Variants in RGS6 observed in about 807,000 individuals in gnomAD.
The protein encoded by RGS6 is regulator of G protein signaling 6.
In RGS6, 30 loss-of-function variants were observed where a neutral mutation model predicts 78.5. The observed-to-expected ratio is 0.38, with a 90% CI of 0.29 to 0.52. The LOEUF (loss-of-function observed/expected upper bound fraction) is 0.52, where lower values mean the gene tolerates loss of function less well. RGS6 is among the 20% of genes least tolerant of loss of function. The pLI, the probability that RGS6 is intolerant of heterozygous loss-of-function variation, is 0.85. For synonymous variants in RGS6, 206 were observed against 206.0 expected, an observed-to-expected ratio of 1.00 and a Z score of 0.00; for missense variants, 495 against 609.7, an observed-to-expected ratio of 0.81 and a Z score of 1.98.
At chr14:72,138,875 A>G (rs996187413) in intron 2 of RGS6, among the ~76,000 whole-genome samples, 31 of 152,012 alleles carry the variant, frequency 2.0e-4, no homozygotes, top group African/African-American at 7.3e-4. Flanking sequence ...AGTTGCAGAA[A>G]AACAAGCTCA....
intron 2 of RGS6, among the ~76,000 whole-genome samples, chr14:72,175,778 G>A (rs571124421): frequency 6.6e-6 from 1 of 152,304 alleles, no homozygotes; most frequent in South Asian, 2.1e-4. Context: ...TGCTTTCTAA[G>A]TATCAGCTGA....
intron 2 of RGS6, among the ~76,000 whole-genome samples, chr14:71,995,790 C>A (rs1204753838): frequency 6.6e-6 from 1 of 152,174 alleles, no homozygotes; most frequent in Non-Finnish European, 1.5e-5. Context: ...TTTTACTTTG[C>A]TACTCTCCAT....
intron 3 of RGS6, among the ~76,000 whole-genome samples, chr14:72,396,996 TCTTTTGGCTTAGGATTGA>T (rs2091452511): frequency 6.6e-6 from 1 of 152,206 alleles, no homozygotes; most frequent in Admixed American, 6.5e-5. Flanking sequence ...CCAGCTTTGT[TCTTTTGGCTTAGGATTGA>T]CTTGGCAATG....
the RGS6 span, among the ~76,000 whole-genome samples, chr14:72,614,869 C>G: frequency 6.6e-6 from 1 of 150,976 alleles, no homozygotes; most frequent in South Asian, 2.1e-4. Context: ...ACATCCAGCT[C>G]TCTGCCTTTT....
intron 15 of RGS6, among the ~76,000 whole-genome samples, chr14:72,526,793 C>T (rs533150575): frequency 9.5e-4 from 145 of 152,220 alleles, no homozygotes; most frequent in Non-Finnish European, 1.7e-3. Flanking sequence ...CATATTGTTG[C>T]GGTATCTTTT....
chr14:72,549,230 T>A (rs77012013), intron 17 of RGS6, among the ~76,000 whole-genome samples: 1 of 151,258 alleles, frequency 6.6e-6, no homozygotes, highest in African/African-American at 2.4e-5. Flanking sequence ...CATCCTTGCC[T>A]TCTTTTCTGT....
Position 72,508,816 on chromosome 14 carries a change from G to A in RGS6, c.966-1338G>A, listed in dbSNP as rs2096843607. 2.0e-5 allele frequency among the ~76,000 whole-genome samples: 3 copies of A among 152,158 alleles called. No individual in the cohort carries two copies. The South Asian group carries it at 6.2e-4, about 32-fold the overall frequency. The stretch of plus-strand genomic sequence containing the variant: ...AGGTTCTGATTTAGCAGGTGCAGGT[G>A]GGGCCTATGGTTCTTCTTCTGGTTC... On this transcript the variant is annotated intron_variant, in intron 13 of 17. Transcript: ENST00000553525.
intron 2 of RGS6, among the ~76,000 whole-genome samples, chr14:72,093,449 G>A (rs1340847135): frequency 6.6e-6 from 1 of 152,132 alleles, no homozygotes; most frequent in Non-Finnish European, 1.5e-5. Flanking sequence ...TTCACATGTC[G>A]ACCAGGGTGG....
At chr14:72,500,534 C>T (rs896014508) in intron 13 of RGS6, among the ~76,000 whole-genome samples, 1 of 152,206 alleles carries the variant, frequency 6.6e-6, no homozygotes, top group African/African-American at 2.4e-5. Context: ...CAACTATGTG[C>T]TGTGTTCTGA....
chr14:71,969,165 TA>T (rs2093675391), intron 2 of RGS6, among the ~76,000 whole-genome samples: 1 of 152,362 alleles, frequency 6.6e-6, no homozygotes, highest in South Asian at 2.1e-4. Context: ...CATCCTTTTT[TA>T]TGGCTGCATA....
chr14:72,402,479 A>G (rs1223260844), intron 3 of RGS6, among the ~76,000 whole-genome samples: 1 of 152,210 alleles, frequency 6.6e-6, no homozygotes, highest in African/African-American at 2.4e-5. Flanking sequence ...TAAACATACA[A>G]ATGGCCAAGA....
intron 3 of RGS6, among the ~76,000 whole-genome samples, chr14:72,362,582 A>G (rs1566629225): frequency 6.6e-6 from 1 of 152,092 alleles, no homozygotes; most frequent in Non-Finnish European, 1.5e-5. Context: ...GTTCTTCTCC[A>G]TGTCACCTTG....
intron 2 of RGS6, among the ~76,000 whole-genome samples, chr14:72,181,134 T>G (rs2097168749): frequency 6.6e-6 from 1 of 152,260 alleles, no homozygotes; most frequent in Non-Finnish European, 1.5e-5. Flanking sequence ...ATTAAAGTAC[T>G]TTGCTTTATT....
chr14:72,019,251 A>T (rs1327172914), intron 2 of RGS6, among the ~76,000 whole-genome samples: 1 of 152,198 alleles, frequency 6.6e-6, no homozygotes, highest in Non-Finnish European at 1.5e-5. Context: ...CTGAACAGTA[A>T]TAACAGTGGG....
chr14:71,925,014 G>A, the RGS6 span, among the ~76,000 whole-genome samples: 1 of 152,092 alleles, frequency 6.6e-6, no homozygotes, highest in African/African-American at 2.4e-5. Flanking sequence ...TTCCATAATG[G>A]CTCTACCAGT....
At chr14:72,335,568 G>A (rs1436632700) in intron 2 of RGS6, among the ~76,000 whole-genome samples, 1 of 152,274 alleles carries the variant, frequency 6.6e-6, no homozygotes, top group East Asian at 1.9e-4. Context: ...AGGGGCTGCA[G>A]TCTTTGCTTG....
chr14:72,539,263 A>G (rs372925491), intron 16 of RGS6, among the ~76,000 whole-genome samples: 2 of 152,024 alleles, frequency 1.3e-5, no homozygotes, highest in African/African-American at 2.4e-5. Context: ...GTTCCCCACA[A>G]TGGTTTCTGA....
chr14:71,958,046 ATAATT>A (rs1015437735), intron 1 of RGS6, among the ~76,000 whole-genome samples: 1 of 152,054 alleles, frequency 6.6e-6, no homozygotes, highest in Non-Finnish European at 1.5e-5. Context: ...TGCAGCTTTG[ATAATT>A]TAATTAGTTT....
At chr14:72,104,981 G>A (rs907739801) in intron 2 of RGS6, among the ~76,000 whole-genome samples, 2 of 152,170 alleles carry the variant, frequency 1.3e-5, no homozygotes, top group African/African-American at 2.4e-5. Flanking sequence ...AGAATCAGTC[G>A]AAAACATGTT....
Sources: gnomAD v4.1 joint callset for allele counts (sites outside exome capture counted in the v4.1 genomes callset) on GRCh38, gnomAD v4.1.1 for gene constraint, MANE v1.5 for transcripts, NCBI Gene and HGNC (gene_info 2026-07-23, HGNC 2026-07-21) for gene names.